Variants in TAF6 observed in about 807,000 individuals in gnomAD.
The protein encoded by TAF6 is TATA-box binding protein associated factor 6.
TAF6 carries 50 observed loss-of-function variants against 73.5 expected under a neutral mutation model. The observed-to-expected ratio is 0.68, with a 90% CI of 0.54 to 0.86. The LOEUF (loss-of-function observed/expected upper bound fraction) is 0.86. TAF6 is among the 40% of genes least tolerant of loss of function. TAF6 has a pLI of 0.00. For missense variants in TAF6, 768 were observed against 899.5 expected (o/e 0.85, Z 1.87); for synonymous variants, 424 against 376.7 (o/e 1.13, Z -1.45).
At chr7:100,122,136 C>T (rs1584587347), upstream of TAF6, 6 of 1,264,084 alleles carry the variant, frequency 4.7e-6, no homozygotes, top group Non-Finnish European at 5.5e-6. Flanking sequence ...GCCAGGATTC[C>T]AACCCAGCCA....
chr7:100,110,538 G>A (rs562463911), intron 10 of TAF6, among the ~76,000 whole-genome samples: 3 of 152,078 alleles, frequency 2.0e-5, no homozygotes, highest in Non-Finnish European at 2.9e-5. Context: ...GTGGCCAGGT[G>A]CAGTGGCTCA....
Position 100,108,425 on chromosome 7 carries a change from C to G in TAF6, c.1400G>C (p.Arg467Pro), listed in dbSNP as rs1260718739. The change falls in exon 13 of 15, where the codon CGG (arginine) becomes CCG (proline). Residue 467 changes from arginine to proline, a missense_variant. This residue lies in a region of TAF6 where 350 missense variants were observed against 352.3 expected (regional missense o/e 0.99). Transcript: ENST00000453269. ...PLLCSQVVKARAQAALQAQQV... is the reference protein window; with the variant it reads ...PLLCSQVVKAPAQAALQAQQV... The stretch of plus-strand genomic sequence containing the variant: ...CTGAGCCTGCAGAGCAGCCTGGGCC[C>G]GAGCCTTGACCACCTGGGAGCAGAG... 2 of 1,613,674 alleles carry G rather than the reference C, an allele frequency of 1.2e-6. No individual in the cohort carries two copies. The highest frequency in any genetic ancestry group is 1.7e-6 in the Non-Finnish European group (2 of 1,179,796).
intron 10 of TAF6, among the ~76,000 whole-genome samples, chr7:100,110,663 T>C (rs1388534065): frequency 1.3e-5 from 2 of 152,066 alleles, no homozygotes; most frequent in Non-Finnish European, 2.9e-5. Context: ...AACACAAAAT[T>C]AGCTGGGTGT....
chr7:100,114,423 A>G (rs1177515369), intron 1 of TAF6, 155 bp from the exon 2 acceptor site: 2 of 792,196 alleles, frequency 2.5e-6, no homozygotes, highest in African/African-American at 3.4e-5. Flanking sequence ...GAAAGATACA[A>G]ATCTGGGCTG....
In TAF6 at chr7:100,107,944, G is replaced by A. The variant is rs763753740; in HGVS notation, c.1638C>T (p.Ser546=). The A allele has an allele frequency of 1.6e-5, 26 of 1,612,052 alleles. No homozygotes were observed. The highest frequency in any genetic ancestry group is 6.7e-5 in the East Asian group (3 of 44,850). The change falls in exon 14 of 15, where the codon AGC becomes AGT. Residue 546 remains serine (S), a synonymous_variant. Coordinates refer to ENST00000453269, the MANE Select transcript of TAF6 (RefSeq NM_139315.3). ...TKFIVMSSSS[S]APSTQQVLSL... Reference sequence around the variant, plus strand: ...TGCATACCTGCTGGGTGGATGGGGCGCTGGAGGACGATGACATTACAATAA... The same window carrying A: ...TGCATACCTGCTGGGTGGATGGGGCACTGGAGGACGATGACATTACAATAA...
intron 14 of TAF6, 141 bp downstream of exon 14, chr7:100,107,785 C>A: frequency 7.3e-7 from 1 of 1,373,454 alleles, no homozygotes; most frequent in Non-Finnish European, 9.8e-7. Context: ...GCAGCTACAG[C>A]CCTGCAGGAC....
chr7:100,125,845 A>AGCAGC, the TAF6 span, among the ~76,000 whole-genome samples: 1 of 152,090 alleles, frequency 6.6e-6, no homozygotes, highest in Non-Finnish European at 1.5e-5. Context: ...GGAGTTCGAG[A>AGCAGC]GCAGCCTGGC....
chr7:100,110,023 G>A lies in TAF6; in HGVS notation c.1209C>T (p.Ile403=). 1 of 1,614,164 alleles carries A rather than the reference G, an allele frequency of 6.2e-7. No homozygotes were observed. Among genetic ancestry groups the A allele is most frequent in the Admixed American group, 1.7e-5 (1 of 60,012 alleles). The part of the protein sequence containing the change: ...LPRLQQEGER[I]RSVLDGPVLS... Reference sequence around the variant, plus strand: ...GCACAGGGCCGTCCAGCACACTGCGGATCCGCTCCCCTTCCTGCTGCAGCC... The same window carrying A: ...GCACAGGGCCGTCCAGCACACTGCGAATCCGCTCCCCTTCCTGCTGCAGCC... Residue 403 remains isoleucine, a synonymous_variant, in exon 12 of 15, where the codon ATC becomes ATT. Transcript: ENST00000453269.
In TAF6 at chr7:100,112,917, G is replaced by A; in HGVS notation, c.455C>T (p.Ala152Val). Residue 152 changes from alanine (A) to valine (V), a missense_variant and splice_region_variant, in exon 6 of 15, where the codon GCT (alanine) becomes GTT (valine). Ala to Val is a moderately conservative substitution (Grantham distance 64, BLOSUM62 0). Transcript: ENST00000453269. ...QPAIPENPPPAPKEQQKAEAT... is the reference protein window; with the variant it reads ...QPAIPENPPPVPKEQQKAEAT... ...TTCAGCCTTCTGTTGCTCTTTGGGAGCTGGTGGGAAAGCAGGCACAGCGGG... is the reference window on the plus strand; with the variant it reads ...TTCAGCCTTCTGTTGCTCTTTGGGAACTGGTGGGAAAGCAGGCACAGCGGG... 1 of 1,611,972 alleles carries A rather than the reference G, an allele frequency of 6.2e-7. No homozygotes were observed. Among genetic ancestry groups the A allele is most frequent in the Non-Finnish European group, 8.5e-7 (1 of 1,178,852 alleles).
chr7:100,110,769 C>A lies in TAF6; in HGVS notation c.1083+370G>T, dbSNP rs1797105940. ...GAGGTTGTGGTAAGCCAAGATTGCACCATTGCACTCCAGCCTGGGCAAGAA... is the reference window on the plus strand; with the variant it reads ...GAGGTTGTGGTAAGCCAAGATTGCAACATTGCACTCCAGCCTGGGCAAGAA... On this transcript the variant is annotated intron_variant, in intron 10 of 14. Coordinates refer to ENST00000453269, the MANE Select transcript of TAF6 (RefSeq NM_139315.3). Among the ~76,000 whole-genome samples the A allele has an allele frequency of 2.6e-5, 4 of 152,224 alleles. No individual in the cohort carries two copies. The South Asian group carries it at 8.3e-4, about 32-fold the overall frequency.
chr7:100,119,364 T>A (rs1015333392), upstream of TAF6: 88 of 1,043,326 alleles, frequency 8.4e-5, no homozygotes, highest in Admixed American at 5.7e-5. Context: ...CGCCCCCTCG[T>A]GGGAGCAGGT....
At chr7:100,122,048 TGAA>T, upstream of TAF6, 1 of 309,978 alleles carries the variant, frequency 3.2e-6, no homozygotes, top group South Asian at 2.4e-5. Flanking sequence ...AGAGTCCGTC[TGAA>T]AAAAAAAAAA....
At chr7:100,125,818 C>T in the TAF6 span, among the ~76,000 whole-genome samples, 5 of 151,890 alleles carry the variant, frequency 3.3e-5, no homozygotes. Flanking sequence ...CCGAGGCAGG[C>T]GGATCACCTG....
chr7:100,122,423 C>G (rs771172138), upstream of TAF6: 17 of 1,613,948 alleles, frequency 1.1e-5, no homozygotes, highest in South Asian at 7.7e-5. Context: ...CAACCCCCAA[C>G]GGAGCCCTGG....
At chr7:100,126,128 G>A in the TAF6 span, among the ~76,000 whole-genome samples, 1 of 152,206 alleles carries the variant, frequency 6.6e-6, no homozygotes, top group African/African-American at 2.4e-5. Flanking sequence ...GGAGCTGGCA[G>A]TGAGCCAAGA....
chr7:100,115,040 G>A (rs1234739989), intron 1 of TAF6, among the ~76,000 whole-genome samples: 1 of 152,044 alleles, frequency 6.6e-6, no homozygotes, highest in Non-Finnish European at 1.5e-5. Context: ...GCAGGGGCAG[G>A]GGCAGAGACA....
upstream of TAF6, chr7:100,123,017 C>A (rs1569055): frequency 5.6e-6 from 7 of 1,245,516 alleles, no homozygotes; most frequent in Admixed American, 1.3e-4. Flanking sequence ...GGGGAAGGGG[C>A]CAGAGTGAGG....
chr7:100,125,315 G>GTATC, the TAF6 span: 1 of 164,222 alleles, frequency 6.1e-6, no homozygotes, highest in Non-Finnish European at 1.3e-5. Flanking sequence ...TACATTGCCT[G>GTATC]TATCCAGGAG....
intron 10 of TAF6, 186 bp from the exon 11 acceptor site, chr7:100,110,460 A>G: frequency 1.9e-6 from 1 of 528,070 alleles, no homozygotes; most frequent in Non-Finnish European, 3.4e-6. Flanking sequence ...TGAGGTCAGG[A>G]GTTCCAGACC....
Sources: allele counts gnomAD v4.1 joint callset (sites outside exome capture counted in the v4.1 genomes callset), GRCh38; gene constraint gnomAD v4.1.1; regional missense constraint gnomAD v4.1.1; transcripts MANE v1.5; gene names NCBI Gene and HGNC (gene_info 2026-07-23, HGNC 2026-07-21).